The following ELAVL1 variants were observed in gnomAD, a reference collection of about 807,000 sequenced individuals.
The protein encoded by ELAVL1 is ELAV-like protein 1.
A neutral mutation model predicts 28.4 loss-of-function variants in ELAVL1; 1 was observed. The observed-to-expected ratio is 0.04, with a 90% CI of 0.01 to 0.17. ELAVL1 has a LOEUF of 0.17. Among genes scored for constraint, ELAVL1 ranks in the 10% least tolerant of loss-of-function variants. The pLI, the probability that ELAVL1 is intolerant of heterozygous loss-of-function variation, is 1.00. For synonymous variants in ELAVL1, 174 were observed against 183.5 expected, an observed-to-expected ratio of 0.95 and a Z score of 0.42; for missense variants, 157 against 447.2, an observed-to-expected ratio of 0.35 and a Z score of 5.85.
In ELAVL1 at chr19:7,993,636, A is replaced by T. The variant is rs557171153; in HGVS notation, c.-16-1805T>A. ...CCGCCCTGCTGAAAGTGCGCCGCAC[A>T]CTGGGCTCACTTCTCAGAGGCCCCT... On this transcript the variant is annotated intron_variant, in intron 1 of 5. Transcript: ENST00000407627. 1.5e-3 allele frequency among the ~76,000 whole-genome samples: 230 copies of T among 152,228 alleles called. 1 individual carries two copies. Among genetic ancestry groups the T allele is most frequent in the African/African-American group, 5.2e-3 (217 of 41,538 alleles).
intron 4 of ELAVL1, chr19:7,973,371 C>G (rs1361420154): frequency 2.7e-6 from 1 of 370,684 alleles, no homozygotes; most frequent in Non-Finnish European, 4.8e-6. Flanking sequence ...GCTGGGACTA[C>G]AGGCGCCCGC....
intron 1 of ELAVL1, among the ~76,000 whole-genome samples, chr19:8,003,013 G>A (rs1335277793): frequency 6.6e-6 from 1 of 152,182 alleles, no homozygotes; most frequent in Admixed American, 6.5e-5. Flanking sequence ...TGGAAAGAGG[G>A]AAGAGATGGG....
chr19:7,965,062 C>G (rs1479783872), intron 5 of ELAVL1, among the ~76,000 whole-genome samples: 3 of 152,218 alleles, frequency 2.0e-5, no homozygotes, highest in African/African-American at 7.2e-5. Context: ...AGGACACCAG[C>G]TGCCATGGGG....
intron 4 of ELAVL1, among the ~76,000 whole-genome samples, chr19:7,969,587 T>C (rs1319620255): frequency 6.6e-6 from 1 of 152,184 alleles, no homozygotes; most frequent in Non-Finnish European, 1.5e-5. Flanking sequence ...GATGCTGTTT[T>C]CTTTGAGTCT....
At chr19:7,986,712 A>G (rs1254917173) in intron 2 of ELAVL1, among the ~76,000 whole-genome samples, 2 of 152,218 alleles carry the variant, frequency 1.3e-5, no homozygotes, top group Non-Finnish European at 1.5e-5. Flanking sequence ...GCTTTCAAAT[A>G]TCAACAAATG....
chr19:8,004,369 G>A (rs2081079678), intron 1 of ELAVL1, among the ~76,000 whole-genome samples: 1 of 152,176 alleles, frequency 6.6e-6, no homozygotes, highest in Non-Finnish European at 1.5e-5. Flanking sequence ...AACTTTTGGA[G>A]GAAGAGCATT....
At chr19:7,978,891 A>G (rs1421920024) in intron 3 of ELAVL1, among the ~76,000 whole-genome samples, 2 of 152,208 alleles carry the variant, frequency 1.3e-5, no homozygotes, top group Non-Finnish European at 2.9e-5. Context: ...ACCAAGATGC[A>G]ATAAAATCCA....
chr19:7,992,306 A>G (rs778280671), intron 1 of ELAVL1, among the ~76,000 whole-genome samples: 8 of 152,126 alleles, frequency 5.3e-5, no homozygotes, highest in Non-Finnish European at 1.0e-4. Flanking sequence ...CTGCACATGG[A>G]TGTTTACAGC....
chr19:7,993,361 C>A (rs1052515786), intron 1 of ELAVL1, among the ~76,000 whole-genome samples: 8 of 152,120 alleles, frequency 5.3e-5, no homozygotes, highest in Admixed American at 5.2e-4. Flanking sequence ...TGAACCCCAC[C>A]CCTGGACACC....
chr19:7,979,071 G>A lies in ELAVL1; in HGVS notation c.276+2012C>T, dbSNP rs1003472630. Among the ~76,000 whole-genome samples, 2 of 152,250 alleles carry A rather than the reference G, an allele frequency of 1.3e-5. No individual in the cohort carries two copies. Among genetic ancestry groups the A allele is most frequent in the African/African-American group, 4.8e-5 (2 of 41,472 alleles). On this transcript the variant is annotated intron_variant, in intron 3 of 5. Transcript: ENST00000407627. This position sits in a 1 kb window ranked among gnomAD's most constrained non-coding sequence, Gnocchi z 5.4. ...GGTTTGCGGAATGAACACACTTGGA[G>A]CACAGAGGACCCCAGGGCTGCGCCG...
intron 1 of ELAVL1, among the ~76,000 whole-genome samples, chr19:8,000,471 T>C (rs1379031136): frequency 1.3e-5 from 2 of 152,226 alleles, no homozygotes; most frequent in Non-Finnish European, 2.9e-5. Context: ...GCAGGTATTC[T>C]AAACCACTTG....
chr19:7,968,193 T>C (rs1985005207), intron 4 of ELAVL1, among the ~76,000 whole-genome samples: 1 of 152,062 alleles, frequency 6.6e-6, no homozygotes, highest in Admixed American at 6.6e-5. Flanking sequence ...GGTAACAGGG[T>C]TGGAGTGGGG....
intron 5 of ELAVL1, among the ~76,000 whole-genome samples, chr19:7,965,926 A>T (rs1237677296): frequency 2.6e-5 from 4 of 152,234 alleles, no homozygotes; most frequent in Non-Finnish European, 1.5e-5. Context: ...ACCTCAAGGA[A>T]GGCAGGCCAG....
chr19:7,996,169 C>T (rs918065274), intron 1 of ELAVL1, among the ~76,000 whole-genome samples: 9 of 151,814 alleles, frequency 5.9e-5, no homozygotes, highest in Non-Finnish European at 1.0e-4. Flanking sequence ...AGCCACCTCA[C>T]CCAACCCAGA....
At chr19:7,976,346 G>A (rs553150265) in intron 3 of ELAVL1, among the ~76,000 whole-genome samples, 3 of 151,646 alleles carry the variant, frequency 2.0e-5, no homozygotes, top group African/African-American at 7.3e-5. Context: ...AGCTTGCAGT[G>A]AGCCGAGATC....
chr19:7,982,095 G>A lies in ELAVL1; in HGVS notation c.173-909C>T, dbSNP rs977849360. Among the ~76,000 whole-genome samples the A allele has an allele frequency of 1.3e-5, 2 of 152,194 alleles. No homozygotes were observed. The highest frequency in any genetic ancestry group is 4.8e-5 in the African/African-American group (2 of 41,450). On this transcript the variant is annotated intron_variant, in intron 2 of 5. Coordinates refer to ENST00000407627, the MANE Select transcript of ELAVL1 (RefSeq NM_001419.3). The surrounding 1 kb of genome is among the most constrained non-coding windows in gnomAD (Gnocchi z 4.3). ...CCCCTTTGTGAAACACTCAGCACAG[G>A]TACAAGTGAACACCCACTCACTGGA...
At position 7,981,189 on chromosome 19, in the gene ELAVL1, G is replaced by T. The variant is rs1568312098; in HGVS notation, c.173-3C>A. The T allele has an allele frequency of 6.2e-7, 1 of 1,614,158 alleles. No individual in the cohort carries two copies. ...AAAGCCATAGCCCAAGCTGTGTCCT[G>T]TGCAAGAGAACATGAAGACATTGGT... On this transcript the variant is annotated splice_polypyrimidine_tract_variant and splice_region_variant and intron_variant, in intron 2 of 5. Transcript: ENST00000407627. The surrounding 1 kb of genome is among the most constrained non-coding windows in gnomAD (Gnocchi z 4.2).
chr19:7,967,186 C>T (rs1445439012), intron 5 of ELAVL1, among the ~76,000 whole-genome samples: 1 of 152,140 alleles, frequency 6.6e-6, no homozygotes, highest in East Asian at 1.9e-4. Context: ...CAGGAGCGCA[C>T]CGCCATGCCT....
intron 5 of ELAVL1, among the ~76,000 whole-genome samples, chr19:7,964,269 C>T (rs553259984): frequency 1.3e-5 from 2 of 152,250 alleles, no homozygotes; most frequent in Non-Finnish European, 2.9e-5. Flanking sequence ...TATCATGACC[C>T]GCCCCCAAGC....
Sources: allele counts gnomAD v4.1 joint callset (sites outside exome capture counted in the v4.1 genomes callset), GRCh38; gene constraint gnomAD v4.1.1; non-coding constraint Gnocchi (gnomAD v3.1); transcripts MANE v1.5; gene names NCBI Gene and HGNC (gene_info 2026-07-23, HGNC 2026-07-21).